The following COL10A1 variants were observed in gnomAD, a reference collection of about 807,000 sequenced individuals.
COL10A1 encodes collagen alpha-1(X) chain.
In COL10A1, 10 loss-of-function variants were observed where a neutral mutation model predicts 18.2. The ratio of observed to expected loss-of-function variants is 0.55; its 90% CI spans 0.34 to 0.93. The LOEUF is 0.93. Ranked by LOEUF, COL10A1 falls within the 40% of genes least tolerant of loss-of-function variation. The probability of loss-of-function intolerance (pLI) is 0.02; values close to 1 mark genes in which losing one functional copy is unlikely to be tolerated. For missense variants in COL10A1, 897 were observed against 853.5 expected (o/e 1.05, Z -0.64); for synonymous variants, 330 against 316.6 (o/e 1.04, Z -0.45).
At chr6:116,168,175 A>G in the COL10A1 span, among the ~76,000 whole-genome samples, 516 of 149,308 alleles carry the variant, frequency 3.5e-3, 15 homozygotes, top group South Asian at 0.046. Context: ...CTGAGCCATT[A>G]TCTCTAAAAA....
At chr6:116,192,841 G>A in the COL10A1 span, among the ~76,000 whole-genome samples, 1 of 151,950 alleles carries the variant, frequency 6.6e-6, no homozygotes, top group Non-Finnish European at 1.5e-5. Flanking sequence ...CCTACTATTG[G>A]AAGGTGTGTC....
At chr6:116,191,112 T>C in the COL10A1 span, among the ~76,000 whole-genome samples, 1 of 151,968 alleles carries the variant, frequency 6.6e-6, no homozygotes, top group African/African-American at 2.4e-5. Flanking sequence ...CAAATATCTG[T>C]GGAAACCAAT....
At chr6:116,200,703 G>A in the COL10A1 span, among the ~76,000 whole-genome samples, 1 of 151,880 alleles carries the variant, frequency 6.6e-6, no homozygotes, top group African/African-American at 2.4e-5. Flanking sequence ...CTCTCTCTGG[G>A]TGATATTTAA....
upstream of COL10A1, among the ~76,000 whole-genome samples, chr6:116,159,466 T>C (rs1454954318): frequency 6.6e-6 from 1 of 152,228 alleles, no homozygotes; most frequent in Non-Finnish European, 1.5e-5. Context: ...CCATGCATTA[T>C]AGAATGTCTT....
At chr6:116,157,367 A>C (rs138533804) in intron 1 of COL10A1, among the ~76,000 whole-genome samples, 2 of 152,206 alleles carry the variant, frequency 1.3e-5, no homozygotes, top group Non-Finnish European at 2.9e-5. Flanking sequence ...CTTCCACCTT[A>C]TTACAGTCTT....
chr6:116,167,206 AT>A, the COL10A1 span, among the ~76,000 whole-genome samples: 14,445 of 87,514 alleles, frequency 0.17, 470 homozygotes, highest in African/African-American at 0.3. Context: ...CAAATAGAAG[AT>A]TTTTTTTTTT....
chr6:116,198,330 A>G, the COL10A1 span, among the ~76,000 whole-genome samples: 4 of 152,180 alleles, frequency 2.6e-5, no homozygotes, highest in South Asian at 6.2e-4. Context: ...TTATATGGAG[A>G]TAGGCCTTTC....
intron 1 of COL10A1, 96 bp from the exon 2 acceptor site, chr6:116,125,603 C>CT: frequency 9.6e-7 from 1 of 1,039,056 alleles, no homozygotes; most frequent in South Asian, 1.4e-5. Flanking sequence ...CAGTTATCTA[C>CT]TTTTTTAACC....
At chr6:116,124,850 T>C (rs1048676004) in intron 2 of COL10A1, among the ~76,000 whole-genome samples, 7 of 152,226 alleles carry the variant, frequency 4.6e-5, no homozygotes, top group Admixed American at 4.6e-4. Flanking sequence ...TTGTTCATTG[T>C]TGGGGGGGAG....
the COL10A1 span, among the ~76,000 whole-genome samples, chr6:116,194,300 C>T: frequency 1.3e-5 from 2 of 152,024 alleles, no homozygotes; most frequent in Non-Finnish European, 2.9e-5. Context: ...AATTCTAGCA[C>T]ATTACTTGTT....
the COL10A1 span, among the ~76,000 whole-genome samples, chr6:116,196,414 A>G: frequency 6.6e-6 from 1 of 151,972 alleles, no homozygotes; most frequent in Non-Finnish European, 1.5e-5. Flanking sequence ...ACCTAATAGC[A>G]TTTAAATCTT....
rs1298501558 is a variant in COL10A1, at chr6:116,125,338, C to T, written c.154+1G>A. Reference sequence around the variant, plus strand: ...AGAACAAAATATACAATTCAATTTACCTTTACTCTTTATGGTGTAGGGAAT... The same window carrying T: ...AGAACAAAATATACAATTCAATTTATCTTTACTCTTTATGGTGTAGGGAAT... On this transcript the variant is annotated splice_donor_variant, in intron 2 of 2. Transcript: ENST00000651968. LOFTEE classifies it high-confidence loss of function. 1.9e-6 allele frequency: 3 copies of T among 1,613,284 alleles called. No homozygotes were observed. The highest frequency in any genetic ancestry group is 4.5e-5 in the East Asian group (2 of 44,800).
At chr6:116,174,432 G>A in the COL10A1 span, among the ~76,000 whole-genome samples, 5 of 152,146 alleles carry the variant, frequency 3.3e-5, no homozygotes, top group South Asian at 4.1e-4. Context: ...AGGAAAAGAC[G>A]ATATGCATGA....
chr6:116,159,408 A>G (rs1780279115), upstream of COL10A1, among the ~76,000 whole-genome samples: 1 of 152,146 alleles, frequency 6.6e-6, no homozygotes, highest in African/African-American at 2.4e-5. Flanking sequence ...GTGATTATTC[A>G]TTTTCTACCC....
chr6:116,120,779 C>T lies in COL10A1; in HGVS notation c.1337G>A (p.Gly446Glu). ...NGEAGPRGAP[G>E]IPGTRGPIGP... ...AATAGGGCCTCTAGTACCTGGTATT[C>T]CAGGGGCACCTCTTGGGCCAGCCTC... The change falls in exon 3 of 3, where the codon GGA (glycine) becomes GAA (glutamate). Residue 446 changes from glycine to glutamate, a missense_variant. By Grantham distance (98) the Gly-to-Glu change is moderately conservative (BLOSUM62 -2). Transcript: ENST00000651968. 6.2e-7 allele frequency: 1 copy of T among 1,613,272 alleles called. No homozygotes were observed. The highest frequency in any genetic ancestry group is 1.1e-5 in the South Asian group (1 of 91,068).
intron 1 of COL10A1, among the ~76,000 whole-genome samples, chr6:116,151,501 C>T (rs1780037016): frequency 6.6e-6 from 1 of 152,074 alleles, no homozygotes; most frequent in Admixed American, 6.6e-5. Context: ...ATACATTGAG[C>T]ACTTACATGC....
chr6:116,172,496 A>G, the COL10A1 span, among the ~76,000 whole-genome samples: 13 of 151,466 alleles, frequency 8.6e-5, no homozygotes, highest in Non-Finnish European at 1.6e-4. Context: ...CAATTTTTCT[A>G]TTTTGAGTAG....
At chr6:116,212,077 T>G in the COL10A1 span, among the ~76,000 whole-genome samples, 1 of 152,116 alleles carries the variant, frequency 6.6e-6, no homozygotes, top group African/African-American at 2.4e-5. Flanking sequence ...ATCAAAGAAA[T>G]TATTTCATTA....
At chr6:116,130,058 A>G (rs1295807183), upstream of COL10A1, among the ~76,000 whole-genome samples, 2 of 152,160 alleles carry the variant, frequency 1.3e-5, no homozygotes, top group East Asian at 1.9e-4. Context: ...GTAATTGCCT[A>G]CAGTCAATAT....
Sources: gnomAD v4.1 joint callset for allele counts (sites outside exome capture counted in the v4.1 genomes callset) on GRCh38, gnomAD v4.1.1 for gene constraint, MANE v1.5 for transcripts, NCBI Gene and HGNC (gene_info 2026-07-23, HGNC 2026-07-21) for gene names.